CHN1: variants seen among roughly 807,000 people sequenced by gnomAD.
The protein encoded by CHN1 is chimerin 1.
Under a neutral mutation model 59.5 loss-of-function variants are expected in CHN1, and 37 were observed. That is an observed-to-expected ratio of 0.62 (90% CI 0.48 to 0.82). CHN1 has a LOEUF of 0.82. CHN1 is among the 40% of genes least tolerant of loss of function. The pLI is 0.00. For missense variants in CHN1, 469 were observed against 571.0 expected (o/e 0.82, Z 1.82); for synonymous variants, 206 against 200.4 (o/e 1.03, Z -0.24).
In CHN1 at chr2:174,819,533, C is replaced by T. The variant is rs549339992; in HGVS notation, c.712+4901G>A. ...TGGAATAATGGTCTTTTTTTAAAGA[C>T]GAATGTTTGACAGTCTCCATGATTA... On this transcript the variant is annotated intron_variant, in intron 8 of 12. Transcript: ENST00000409900. Among the ~76,000 whole-genome samples the T allele has an allele frequency of 2.1e-3, 320 of 152,082 alleles. 4 individuals are homozygous for T. Among genetic ancestry groups the T allele is most frequent in the African/African-American group, 6.7e-3 (277 of 41,480 alleles).
At chr2:174,808,667 G>T (rs1684981105) in intron 11 of CHN1, among the ~76,000 whole-genome samples, 1 of 151,116 alleles carries the variant, frequency 6.6e-6, no homozygotes, top group Non-Finnish European at 1.5e-5. Context: ...AAGAGCACTG[G>T]TATAAGCCTT....
chr2:174,931,227 A>C (rs1222608709), intron 3 of CHN1, among the ~76,000 whole-genome samples: 2 of 152,212 alleles, frequency 1.3e-5, no homozygotes, highest in Non-Finnish European at 2.9e-5. Context: ...TTCATATAAA[A>C]TGCTTCTATC....
At chr2:174,865,109 T>A (rs1017485448) in intron 6 of CHN1, among the ~76,000 whole-genome samples, 2 of 152,172 alleles carry the variant, frequency 1.3e-5, no homozygotes, top group African/African-American at 4.8e-5. Context: ...TTTTTCTACA[T>A]TAAAAATTCG....
intron 7 of CHN1, among the ~76,000 whole-genome samples, chr2:174,830,805 G>A (rs1685854901): frequency 6.6e-6 from 1 of 152,200 alleles, no homozygotes; most frequent in East Asian, 1.9e-4. Context: ...CTGCTATAGA[G>A]GTGGCCACAC....
At chr2:174,892,804 T>C (rs1688094662) in intron 5 of CHN1, among the ~76,000 whole-genome samples, 1 of 151,854 alleles carries the variant, frequency 6.6e-6, no homozygotes, top group African/African-American at 2.4e-5. Flanking sequence ...CAAGAATGAG[T>C]CACTATACAA....
At chr2:174,954,301 G>A (rs966023968) in intron 1 of CHN1, among the ~76,000 whole-genome samples, 2 of 152,092 alleles carry the variant, frequency 1.3e-5, no homozygotes, top group Admixed American at 1.3e-4. Flanking sequence ...ACTCAAGATG[G>A]ATCAAAGACT....
At chr2:174,950,883 G>A (rs902009947) in intron 2 of CHN1, among the ~76,000 whole-genome samples, 11 of 150,536 alleles carry the variant, frequency 7.3e-5, no homozygotes, top group East Asian at 2.0e-4. Flanking sequence ...TGGTTCAAGC[G>A]ATTCTCCTGC....
At chr2:174,847,772 G>GAAAAAAAAAAAAAAAAAAAA (rs1558950745) in intron 6 of CHN1, 1 of 92,298 alleles carries the variant, frequency 1.1e-5, no homozygotes, top group African/African-American at 3.3e-4. Context: ...CTGGCTCAAG[G>GAAAAAAAAAAAAAAAAAAAA]CAAAAAAAAA....
chr2:174,952,255 G>A, intron 1 of CHN1, 53 bp from the exon 2 acceptor site: 1 of 1,073,412 alleles, frequency 9.3e-7, no homozygotes, highest in South Asian at 1.8e-5. Flanking sequence ...TTTTAAATGA[G>A]ACATTTTAAT....
intron 11 of CHN1, among the ~76,000 whole-genome samples, chr2:174,805,738 T>C (rs1247083208): frequency 6.6e-6 from 1 of 152,214 alleles, no homozygotes; most frequent in Non-Finnish European, 1.5e-5. Context: ...ACAGTATGTC[T>C]AGTTAATTTT....
chr2:174,897,715 C>A (rs1412028813), intron 5 of CHN1, among the ~76,000 whole-genome samples: 1 of 151,856 alleles, frequency 6.6e-6, no homozygotes, highest in Non-Finnish European at 1.5e-5. Flanking sequence ...AAAATAAACA[C>A]AATGAAAATG....
At chr2:174,970,455 G>A (rs1267523369) in intron 1 of CHN1, among the ~76,000 whole-genome samples, 2 of 152,120 alleles carry the variant, frequency 1.3e-5, no homozygotes, top group East Asian at 1.9e-4. Flanking sequence ...GCTTTCAAGT[G>A]GAAATAAGAA....
At chr2:174,924,253 G>C (rs1689103823) in intron 3 of CHN1, among the ~76,000 whole-genome samples, 1 of 152,160 alleles carries the variant, frequency 6.6e-6, no homozygotes. Flanking sequence ...ACCAACTGCA[G>C]AGACAATTCT....
At chr2:174,946,869 C>T (rs1689852292) in intron 2 of CHN1, among the ~76,000 whole-genome samples, 1 of 123,206 alleles carries the variant, frequency 8.1e-6, no homozygotes, top group African/African-American at 3.2e-5. Context: ...ACCAGCCTGG[C>T]AACATAGCGA....
intron 5 of CHN1, among the ~76,000 whole-genome samples, chr2:174,913,623 A>G (rs1313546672): frequency 6.6e-6 from 1 of 152,224 alleles, no homozygotes; most frequent in Non-Finnish European, 1.5e-5. Context: ...TACCATAAAA[A>G]GCAAATTTCC....
In CHN1 at chr2:174,926,021, C is replaced by T. The variant is rs547612014; in HGVS notation, c.115-7456G>A. On this transcript the variant is annotated intron_variant, in intron 3 of 12. Transcript: ENST00000409900. ...TGCATAAATGTTATATGCTATTTCA[C>T]TGGAGAAAAAAACTTTAAGTTAATC... Among the ~76,000 whole-genome samples the T allele has an allele frequency of 6.5e-4, 99 of 152,180 alleles. No individual in the cohort carries two copies. In the South Asian group the frequency reaches 0.018, roughly 28 times the overall value.
Position 174,915,117 on chromosome 2 carries a change from C to A in CHN1, c.201G>T (p.Glu67Asp). Reference sequence around the variant, plus strand: ...GGCTCTCCCGGATGAGGTAGCTCCCCTCAGCCACAATCAAGAGCTGGTCGG... The same window carrying A: ...GGCTCTCCCGGATGAGGTAGCTCCCATCAGCCACAATCAAGAGCTGGTCGG... ...EAADQLLIVA[E>D]GSYLIRESQR... The change falls in exon 5 of 13, where the codon GAG (glutamate) becomes GAT (aspartate). Residue 67 changes from glutamate to aspartate, a missense_variant. Physicochemically the swap from Glu to Asp is conservative, Grantham distance 45 (BLOSUM62 2). Coordinates refer to ENST00000409900, the MANE Select transcript of CHN1 (RefSeq NM_001822.7). The A allele has an allele frequency of 1.2e-6, 2 of 1,612,566 alleles. No homozygotes were observed. Among genetic ancestry groups the A allele is most frequent in the South Asian group, 1.1e-5 (1 of 90,476 alleles).
At chr2:174,848,635 A>G (rs1686623127) in intron 6 of CHN1, among the ~76,000 whole-genome samples, 1 of 152,188 alleles carries the variant, frequency 6.6e-6, no homozygotes, top group Admixed American at 6.6e-5. Flanking sequence ...CCCAGTGCAT[A>G]TTCTACTTTA....
chr2:174,929,524 G>T (rs982625971), intron 3 of CHN1, among the ~76,000 whole-genome samples: 3 of 152,020 alleles, frequency 2.0e-5, no homozygotes, highest in African/African-American at 7.3e-5. Context: ...GTTGCAGTGA[G>T]CTGAGATCAT....
Sources: allele counts gnomAD v4.1 joint callset (sites outside exome capture counted in the v4.1 genomes callset), GRCh38; gene constraint gnomAD v4.1.1; transcripts MANE v1.5; gene names NCBI Gene and HGNC (gene_info 2026-07-23, HGNC 2026-07-21).